The following MGAT4C variants were observed in gnomAD, a reference collection of about 807,000 sequenced individuals.
MGAT4C encodes the protein alpha-1,3-mannosyl-glycoprotein 4-beta-N-acetylglucosaminyltransferase C.
A neutral mutation model predicts 40.1 loss-of-function variants in MGAT4C; 19 were observed. The observed-to-expected ratio is 0.47, with a 90% confidence interval of 0.33 to 0.70. MGAT4C has a LOEUF of 0.70. Ranked by LOEUF, MGAT4C falls within the 30% of genes least tolerant of loss-of-function variation. The probability of loss-of-function intolerance (pLI) is 0.02; values close to 1 mark genes in which losing one functional copy is unlikely to be tolerated. For missense variants in MGAT4C, 491 were observed against 563.2 expected (o/e 0.87, Z 1.30); for synonymous variants, 181 against 187.1 (o/e 0.97, Z 0.27).
chr12:86,410,477 T>C (rs1375455070), intron 3 of MGAT4C, among the ~76,000 whole-genome samples: 1 of 152,166 alleles, frequency 6.6e-6, no homozygotes, highest in Non-Finnish European at 1.5e-5. Flanking sequence ...AAAATATGGC[T>C]CTATTCTGCC....
chr12:86,832,139 A>G (rs1952941680), intron 1 of MGAT4C, among the ~76,000 whole-genome samples: 2 of 151,766 alleles, frequency 1.3e-5, no homozygotes, highest in South Asian at 4.1e-4. Context: ...AAAACCCAGG[A>G]ATTTACACAA....
At chr12:86,117,651 CT>C (rs1878654179) in intron 1 of MGAT4C, among the ~76,000 whole-genome samples, 1 of 152,130 alleles carries the variant, frequency 6.6e-6, no homozygotes, top group Non-Finnish European at 1.5e-5. Flanking sequence ...ACATTAAGAA[CT>C]GCACTGGTAA....
chr12:86,525,426 G>T (rs768786697), intron 2 of MGAT4C, among the ~76,000 whole-genome samples: 2 of 152,132 alleles, frequency 1.3e-5, no homozygotes, highest in African/African-American at 4.8e-5. Flanking sequence ...TTATAGCATT[G>T]TAAAAATGGA....
intron 1 of MGAT4C, among the ~76,000 whole-genome samples, chr12:86,074,404 C>T (rs1869252870): frequency 6.6e-6 from 1 of 151,976 alleles, no homozygotes; most frequent in South Asian, 2.1e-4. Context: ...CTCTAGAGAA[C>T]CCTGACTAAT....
intron 2 of MGAT4C, among the ~76,000 whole-genome samples, chr12:86,683,900 A>G (rs1950026271): frequency 6.6e-6 from 1 of 152,084 alleles, no homozygotes. Context: ...TCTAATTTCA[A>G]CATGCTCTTG....
intron 4 of MGAT4C, among the ~76,000 whole-genome samples, chr12:86,306,202 T>C (rs1953931326): frequency 6.7e-6 from 1 of 150,258 alleles, no homozygotes; most frequent in Non-Finnish European, 1.5e-5. Context: ...ACAGTTCCAC[T>C]CCTAGGAAAT....
intron 2 of MGAT4C, among the ~76,000 whole-genome samples, chr12:86,556,741 T>C (rs1029839541): frequency 3.9e-5 from 6 of 152,218 alleles, no homozygotes; most frequent in Non-Finnish European, 5.9e-5. Flanking sequence ...TTTAAGTCAC[T>C]GCATGTACTA....
rs1884029002 is a variant in MGAT4C, at chr12:85,976,895, T to C, written c.*2394A>G. On this transcript the variant is annotated 3_prime_UTR_variant, in exon 5 of 5. Coordinates refer to ENST00000611864, the MANE Select transcript of MGAT4C (RefSeq NM_001351288.2). The stretch of plus-strand genomic sequence containing the variant: ...GTTCAGATTTTCTTTTGAAAGAGAA[T>C]AGTTATTTTTCCTCCTGACCTCTAA... The C allele has an allele frequency of 6.6e-6, 1 of 150,908 alleles. No individual in the cohort carries two copies. The highest frequency in any genetic ancestry group is 1.5e-5 in the Non-Finnish European group (1 of 67,238). 9.3% of individuals were successfully genotyped at this position (150,908 alleles called of 1,614,324 possible).
exon 4 of MGAT4C, chr12:86,334,096 C>T (rs917702210): frequency 5.3e-5 from 8 of 152,196 alleles, no homozygotes; most frequent in African/African-American, 1.2e-4. Context: ...GCCTTTCTCA[C>T]GCAGAATCAG....
At chr12:86,409,207 T>C (rs1343475827) in intron 3 of MGAT4C, among the ~76,000 whole-genome samples, 1 of 152,190 alleles carries the variant, frequency 6.6e-6, no homozygotes, top group South Asian at 2.1e-4. Flanking sequence ...GGTTTATTCA[T>C]TGGGCCAACC....
chr12:86,781,431 G>T (rs1006152462), intron 1 of MGAT4C, among the ~76,000 whole-genome samples: 42 of 152,048 alleles, frequency 2.8e-4, no homozygotes, highest in African/African-American at 9.6e-4. Flanking sequence ...TAGTATAGAA[G>T]ATTCTACCAA....
intron 1 of MGAT4C, among the ~76,000 whole-genome samples, chr12:86,120,366 C>T (rs1879176384): frequency 6.6e-6 from 1 of 152,120 alleles, no homozygotes; most frequent in Admixed American, 6.5e-5. Flanking sequence ...TTAAACTTCC[C>T]AGTCTGACAG....
intron 1 of MGAT4C, among the ~76,000 whole-genome samples, chr12:86,781,130 A>ATT (rs56326438): frequency 3.3e-5 from 5 of 151,834 alleles, no homozygotes; most frequent in Non-Finnish European, 5.9e-5. Context: ...CAAGCACAAG[A>ATT]TTTTTTTTAT....
intron 2 of MGAT4C, among the ~76,000 whole-genome samples, chr12:86,658,564 A>T (rs906967706): frequency 6.6e-6 from 1 of 152,074 alleles, no homozygotes; most frequent in African/African-American, 2.4e-5. Flanking sequence ...TTTCTCTGTA[A>T]AGTGTTTTCA....
intron 3 of MGAT4C, among the ~76,000 whole-genome samples, chr12:86,369,714 T>C (rs1244348692): frequency 6.6e-6 from 1 of 152,020 alleles, no homozygotes; most frequent in Non-Finnish European, 1.5e-5. Context: ...TTCAACAGCA[T>C]TGACAAACTA....
intron 1 of MGAT4C, among the ~76,000 whole-genome samples, chr12:86,160,369 A>AG (rs1287760508): frequency 5.9e-5 from 9 of 151,788 alleles, no homozygotes; most frequent in Non-Finnish European, 1.3e-4. Context: ...TAGTATTGGG[A>AG]ATATTGTGTA....
In MGAT4C at chr12:86,196,176, G is replaced by A. The variant is rs116879545; in HGVS notation, c.-57+60063C>T. Among the ~76,000 whole-genome samples the A allele has an allele frequency of 1.3e-3, 196 of 152,308 alleles. 1 individual carries two copies. In the Middle Eastern group the frequency reaches 0.017, roughly 13 times the overall value. On this transcript the variant is annotated intron_variant, in intron 1 of 4. Coordinates refer to ENST00000611864, the MANE Select transcript of MGAT4C (RefSeq NM_001351288.2). The stretch of plus-strand genomic sequence containing the variant: ...TCTCTCTCTCCTTGGTTTGTAGAAA[G>A]CACCTTATTGCTGTATCCTCACATG...
intron 1 of MGAT4C, among the ~76,000 whole-genome samples, chr12:86,202,001 T>G (rs1375971278): frequency 1.4e-5 from 1 of 69,554 alleles, no homozygotes; most frequent in Non-Finnish European, 3.7e-5. Flanking sequence ...ATGTATCCAG[T>G]GAATTTGAAA....
intron 1 of MGAT4C, among the ~76,000 whole-genome samples, chr12:86,162,589 A>C (rs1271123505): frequency 6.6e-6 from 1 of 152,152 alleles, no homozygotes. Context: ...AGCATCATAC[A>C]ACATTCCCAT....
Sources: allele counts gnomAD v4.1 joint callset (sites outside exome capture counted in the v4.1 genomes callset), GRCh38; gene constraint gnomAD v4.1.1; transcripts MANE v1.5; gene names NCBI Gene and HGNC (gene_info 2026-07-23, HGNC 2026-07-21).